CCNJL: variants seen among roughly 807,000 people sequenced by gnomAD.
The protein encoded by CCNJL is cyclin-J-like protein.
In CCNJL, 33 loss-of-function variants were observed where a neutral mutation model predicts 33.4. The observed-to-expected ratio is 0.99, with a 90% confidence interval of 0.75 to 1.32. The LOEUF is 1.32. Ranked by LOEUF, CCNJL falls within the 40% of genes most tolerant of loss-of-function variation. The pLI is 0.00. For synonymous variants in CCNJL, 227 were observed against 220.9 expected, an observed-to-expected ratio of 1.03 and a Z score of -0.24; for missense variants, 512 against 499.7, an observed-to-expected ratio of 1.02 and a Z score of -0.23.
intron 5 of CCNJL, 71 bp from the exon 6 acceptor site, chr5:160,253,869 T>A: frequency 8.0e-7 from 1 of 1,243,406 alleles, no homozygotes; most frequent in Non-Finnish European, 1.1e-6. Flanking sequence ...TCTCTACCTG[T>A]CTTGCTAAGT....
rs138268750 is a variant in CCNJL, at chr5:160,320,996, TTCTCTCTC to T, written n.207-5499_207-5492del. Among the ~76,000 whole-genome samples the T allele has an allele frequency of 4.9e-3, 474 of 97,132 alleles. 25 individuals carry two copies. Among genetic ancestry groups the T allele is most frequent in the African/African-American group, 0.019 (450 of 24,098 alleles). The allele number at this position is 97,132 out of a possible 152,430, so 63.7% of individuals were successfully genotyped here. On this transcript the variant is annotated intron_variant and non_coding_transcript_variant, in intron 1 of 7. Coordinates refer to the CCNJL transcript ENST00000377503. ...TCCCTCCCTCTCTCTCTTTCTTTCT[TTCTCTCTC>T]TCTCTCTCTCTTTCTTTCTTTCTTT...
intron 2 of CCNJL, among the ~76,000 whole-genome samples, chr5:160,303,838 C>T (rs566553804): frequency 3.3e-5 from 5 of 152,208 alleles, no homozygotes; most frequent in Admixed American, 2.0e-4. Flanking sequence ...GCTGGCTGCA[C>T]TCCCTTTACC....
chr5:160,321,912 C>T (rs896300179), intron 1 of CCNJL, among the ~76,000 whole-genome samples: 1 of 152,200 alleles, frequency 6.6e-6, no homozygotes, highest in African/African-American at 2.4e-5. Context: ...AACCCTGCCC[C>T]CTACCAGCAG....
chr5:160,263,460 G>A (rs569331290), intron 3 of CCNJL, among the ~76,000 whole-genome samples: 12 of 152,168 alleles, frequency 7.9e-5, no homozygotes, highest in Non-Finnish European at 1.3e-4. Flanking sequence ...TGTTTCGTTT[G>A]CTTTTCATGA....
rs980244416 is a variant in CCNJL, at chr5:160,249,914, A to G, written c.*3464T>C. 1.3e-5 allele frequency: 2 copies of G among 152,226 alleles called. No individual in the cohort carries two copies. Among genetic ancestry groups the G allele is most frequent in the African/African-American group, 4.8e-5 (2 of 41,464 alleles). The allele number at this position is 152,226 out of a possible 1,614,324, so 9.4% of individuals were successfully genotyped here. On this transcript the variant is annotated 3_prime_UTR_variant, in exon 6 of 6. Coordinates refer to ENST00000257536, the MANE Select transcript of CCNJL (RefSeq NM_001308173.3). ...TGCCTGAATGACCAAGAAGCTGGCT[A>G]AAGTGCAGATTCCAGGTCCCCACCC...
chr5:160,266,341 T>TA (rs1761585977), intron 3 of CCNJL, among the ~76,000 whole-genome samples: 1 of 152,276 alleles, frequency 6.6e-6, no homozygotes, highest in Non-Finnish European at 1.5e-5. Flanking sequence ...CTGATGCTAA[T>TA]GCTTTTTTCT....
rs192488112 is a variant in CCNJL at position 160,318,370 on chromosome 5, A to G, written n.207-2865T>C. 2.7e-3 allele frequency among the ~76,000 whole-genome samples: 413 copies of G among 152,316 alleles called. 1 individual carries two copies. Among genetic ancestry groups the G allele is most frequent in the Non-Finnish European group, 4.6e-3 (316 of 68,014 alleles). On this transcript the variant is annotated intron_variant and non_coding_transcript_variant, in intron 1 of 7. Transcript: ENST00000377503. The stretch of plus-strand genomic sequence containing the variant: ...TTGGACTAAGGGCCCACCCTACTCA[A>G]TATGATGTCATCTGAACTAATGACA...
At chr5:160,292,931 T>C (rs112833006) in intron 2 of CCNJL, among the ~76,000 whole-genome samples, 4 of 152,288 alleles carry the variant, frequency 2.6e-5, no homozygotes, top group African/African-American at 9.6e-5. Context: ...GGTTCTGAGA[T>C]TACCAGCATC....
intron 2 of CCNJL, among the ~76,000 whole-genome samples, chr5:160,287,770 A>C (rs957381695): frequency 6.6e-6 from 1 of 152,208 alleles, no homozygotes; most frequent in Admixed American, 6.5e-5. Context: ...GGCATTCAGC[A>C]ATCAGGCAGG....
At chr5:160,288,000 C>T (rs1762464712) in intron 2 of CCNJL, among the ~76,000 whole-genome samples, 1 of 152,168 alleles carries the variant, frequency 6.6e-6, no homozygotes, top group African/African-American at 2.4e-5. Context: ...CCATCTGCCG[C>T]AGGAGTATCT....
intron 3 of CCNJL, 149 bp downstream of exon 3, chr5:160,280,376 A>C: frequency 1.5e-6 from 1 of 666,530 alleles, no homozygotes; most frequent in Non-Finnish European, 2.6e-6. Context: ...GTTGCATCTA[A>C]AAATGTTGAT....
chr5:160,300,304 G>A (rs1259290635), intron 2 of CCNJL, among the ~76,000 whole-genome samples: 1 of 152,102 alleles, frequency 6.6e-6, no homozygotes, highest in Non-Finnish European at 1.5e-5. Flanking sequence ...TTCCAGCCAG[G>A]TCACCTTAAC....
chr5:160,257,277 C>A (rs1463942526), intron 4 of CCNJL, among the ~76,000 whole-genome samples: 2 of 151,510 alleles, frequency 1.3e-5, no homozygotes, highest in African/African-American at 4.9e-5. Context: ...AGATCGAGAC[C>A]ATCCTGGCTG....
chr5:160,321,006 CTCTCTCTCTT>C (rs1270243695), intron 1 of CCNJL, among the ~76,000 whole-genome samples: 15 of 100,660 alleles, frequency 1.5e-4, no homozygotes, highest in African/African-American at 3.6e-4. Context: ...TTCTCTCTCT[CTCTCTCTCTT>C]TCTTTCTTTC....
At chr5:160,261,263 G>A (rs945351814) in intron 3 of CCNJL, 3 of 152,114 alleles carry the variant, frequency 2.0e-5, no homozygotes, top group South Asian at 2.1e-4. Flanking sequence ...CTCCCTTCTC[G>A]GCAAGCCTTG....
At chr5:160,263,373 T>C (rs954479249) in intron 3 of CCNJL, among the ~76,000 whole-genome samples, 10 of 152,232 alleles carry the variant, frequency 6.6e-5, no homozygotes, top group Admixed American at 3.3e-4. Flanking sequence ...ATGCCTTTTA[T>C]AACCTTTGTT....
chr5:160,324,259 T>C (rs6556491), intron 1 of CCNJL, among the ~76,000 whole-genome samples: 95,417 of 152,098 alleles, frequency 0.63, 30,138 homozygotes, highest in Middle Eastern at 0.7. Flanking sequence ...GGATTCTCAC[T>C]AAGACTAAGT....
intron 2 of CCNJL, among the ~76,000 whole-genome samples, chr5:160,295,816 G>C (rs1018099425): frequency 2.6e-5 from 4 of 152,232 alleles, no homozygotes; most frequent in Non-Finnish European, 1.5e-5. Flanking sequence ...CCCGATGTCA[G>C]ACTTCTGGTC....
At chr5:160,283,013 A>G (rs1362807966) in intron 2 of CCNJL, among the ~76,000 whole-genome samples, 2 of 111,968 alleles carry the variant, frequency 1.8e-5, no homozygotes, top group African/African-American at 3.6e-5. Context: ...ATATATACAT[A>G]TATATATATA....
Sources: gnomAD v4.1 joint callset for allele counts (sites outside exome capture counted in the v4.1 genomes callset) on GRCh38, gnomAD v4.1.1 for gene constraint, MANE v1.5 for transcripts, NCBI Gene and HGNC (gene_info 2026-07-23, HGNC 2026-07-21) for gene names.